DYNC2H1: variants seen among roughly 807,000 people sequenced by gnomAD.
DYNC2H1 encodes the protein cytoplasmic dynein 2 heavy chain 1.
In DYNC2H1, 410 loss-of-function variants were observed where a neutral mutation model predicts 570.0. The ratio of observed to expected loss-of-function variants is 0.72; its 90% CI spans 0.66 to 0.78. The LOEUF (loss-of-function observed/expected upper bound fraction) is 0.78. DYNC2H1 is among the 30% of genes least tolerant of loss of function. The pLI is 0.00. For missense variants in DYNC2H1, 4,865 were observed against 5,046.4 expected, an observed-to-expected ratio of 0.96 and a Z score of 1.09; for synonymous variants, 1,688 against 1,677.6, an observed-to-expected ratio of 1.01 and a Z score of -0.15.
Position 103,303,053 on chromosome 11 carries a change from A to C in DYNC2H1, c.11096-40A>C, listed in dbSNP as rs11225673. 0.15 allele frequency: 206,031 copies of C among 1,348,586 alleles called. 16,865 individuals carry two copies. The highest frequency in any genetic ancestry group is 0.28 in the Admixed American group (9,349 of 33,660). The allele number at this position is 1,348,586 out of a possible 1,614,324, so 83.5% of individuals were successfully genotyped here. The stretch of plus-strand genomic sequence containing the variant: ...GATTTAATAAACTTTTTAATAATGC[A>C]TACTGCTTTTATTTTTAATTTTTAA... On this transcript the variant is annotated intron_variant, in intron 75 of 88. Transcript: ENST00000375735.
chr11:103,159,148 C>T, intron 28 of DYNC2H1, 121 bp downstream of exon 28: 1 of 681,444 alleles, frequency 1.5e-6, no homozygotes, highest in Non-Finnish European at 2.4e-6. Context: ...AAATACAGTT[C>T]CTGTACCCAA....
At chr11:103,336,479 C>G (rs1475643411) in intron 82 of DYNC2H1, among the ~76,000 whole-genome samples, 1 of 142,544 alleles carries the variant, frequency 7.0e-6, no homozygotes, top group Non-Finnish European at 1.6e-5. Flanking sequence ...TTCCTATCCT[C>G]TGGTAACTGT....
chr11:103,435,810 G>A lies in DYNC2H1; in HGVS notation c.12367-133G>A, dbSNP rs555242721. ...TGCTGTCTCTACTGTTCAATTTAAT[G>A]AGATCAAACTTAATGAATTTCATAT... On this transcript the variant is annotated intron_variant, in intron 84 of 88. Transcript: ENST00000375735. 13 of 683,224 alleles carry A rather than the reference G, an allele frequency of 1.9e-5. No individual in the cohort carries two copies. In the East Asian group the frequency reaches 3.6e-4, roughly 19 times the overall value. The allele number at this position is 683,224 out of a possible 1,614,324, so 42.3% of individuals were successfully genotyped here. A position where few individuals can be genotyped will look rare whatever the true frequency, so the allele number is the denominator to read the frequency against.
intron 84 of DYNC2H1, among the ~76,000 whole-genome samples, chr11:103,427,227 C>A (rs1943705386): frequency 6.6e-6 from 1 of 152,044 alleles, no homozygotes; most frequent in Admixed American, 6.6e-5. Context: ...AAACAATGTA[C>A]AAATAATCCA....
At chr11:103,234,771 T>A (rs1283443236) in intron 61 of DYNC2H1, among the ~76,000 whole-genome samples, 1 of 151,910 alleles carries the variant, frequency 6.6e-6, no homozygotes, top group Non-Finnish European at 1.5e-5. Context: ...AAATGTGTAT[T>A]TCCAACTATA....
At chr11:103,459,326 AAAAAAAAG>A (rs1407735027) in intron 87 of DYNC2H1, among the ~76,000 whole-genome samples, 1 of 149,304 alleles carries the variant, frequency 6.7e-6, no homozygotes, top group Non-Finnish European at 1.5e-5. Flanking sequence ...AAAAAAAAAA[AAAAAAAAG>A]GAAATTCCAT....
At chr11:103,444,646 TG>T (rs1944369069) in intron 85 of DYNC2H1, among the ~76,000 whole-genome samples, 1 of 152,128 alleles carries the variant, frequency 6.6e-6, no homozygotes, top group African/African-American at 2.4e-5. Flanking sequence ...ACAAGTGGGT[TG>T]GGGAAGGTAA....
chr11:103,172,981 A>T, intron 34 of DYNC2H1, 101 bp from the exon 35 acceptor site: 1 of 572,734 alleles, frequency 1.7e-6, no homozygotes, highest in Non-Finnish European at 2.4e-6. Context: ...TGTTGGCAGC[A>T]TATTTTATGT....
intron 12 of DYNC2H1, 70 bp downstream of exon 12, chr11:103,125,365 G>GGT: frequency 1.0e-6 from 1 of 957,812 alleles, no homozygotes; most frequent in Non-Finnish European, 1.4e-6. Context: ...TATGCTAAAG[G>GGT]CTTTTTTTTT....
intron 83 of DYNC2H1, among the ~76,000 whole-genome samples, chr11:103,374,797 AG>A (rs1436535482): frequency 6.6e-6 from 1 of 152,194 alleles, no homozygotes. Flanking sequence ...AGCATTCAAG[AG>A]GAAGCAGAGC....
intron 18 of DYNC2H1, among the ~76,000 whole-genome samples, chr11:103,144,940 G>A (rs1860161598): frequency 6.6e-6 from 1 of 151,900 alleles, no homozygotes; most frequent in Admixed American, 6.6e-5. Context: ...GAGTGTAGTG[G>A]CATGATATAT....
At chr11:103,474,378 G>A (rs1295862051) in intron 88 of DYNC2H1, among the ~76,000 whole-genome samples, 1 of 152,152 alleles carries the variant, frequency 6.6e-6, no homozygotes, top group Non-Finnish European at 1.5e-5. Context: ...GAAAGCATGT[G>A]TTAAAATAAG....
Position 103,347,255 on chromosome 11 carries a change from T to C in DYNC2H1, c.12040-10988T>C, listed in dbSNP as rs115118850. Among the ~76,000 whole-genome samples the C allele has an allele frequency of 4.8e-3, 737 of 152,288 alleles. 4 individuals carry two copies. The highest frequency in any genetic ancestry group is 0.017 in the African/African-American group (709 of 41,570). ...AGCGAGAAGGGCTTCTCTATATTAA[T>C]AAGACTTATAATACATAACAATTTA... is the stretch of plus-strand genomic sequence containing the variant. On this transcript the variant is annotated intron_variant, in intron 82 of 88. Coordinates refer to ENST00000375735, the MANE Select transcript of DYNC2H1 (RefSeq NM_001377.3).
At chr11:103,132,957 A>T (rs1005009845) in intron 13 of DYNC2H1, among the ~76,000 whole-genome samples, 14 of 151,906 alleles carry the variant, frequency 9.2e-5, no homozygotes, top group Non-Finnish European at 2.1e-4. Context: ...CTCCTTGTTG[A>T]GCCTCATGAA....
At chr11:103,279,510 T>A (rs1180037867) in intron 70 of DYNC2H1, among the ~76,000 whole-genome samples, 1 of 152,198 alleles carries the variant, frequency 6.6e-6, no homozygotes, top group Non-Finnish European at 1.5e-5. Context: ...AGATTGCTCC[T>A]GAAAGTCTGA....
intron 82 of DYNC2H1, among the ~76,000 whole-genome samples, chr11:103,354,256 T>C (rs1022694243): frequency 9.9e-5 from 15 of 151,834 alleles, no homozygotes; most frequent in African/African-American, 3.4e-4. Flanking sequence ...AAGGGCCTTC[T>C]ACTCTACCCT....
chr11:103,312,331 G>A (rs1196163944), intron 79 of DYNC2H1, among the ~76,000 whole-genome samples: 1 of 144,000 alleles, frequency 6.9e-6, no homozygotes, highest in Non-Finnish European at 1.5e-5. Context: ...GGTGAGCCGA[G>A]ATTGTGCCAT....
chr11:103,328,165 A>G (rs1938593845), intron 82 of DYNC2H1, among the ~76,000 whole-genome samples: 1 of 152,172 alleles, frequency 6.6e-6, no homozygotes, highest in Non-Finnish European at 1.5e-5. Flanking sequence ...TACTTTTGGG[A>G]TGAAACGAAG....
At chr11:103,156,921 A>G (rs1210322867) in intron 26 of DYNC2H1, among the ~76,000 whole-genome samples, 151 bp downstream of exon 26, 1 of 152,114 alleles carries the variant, frequency 6.6e-6, no homozygotes, top group Non-Finnish European at 1.5e-5. Flanking sequence ...TTGAGAAGCT[A>G]TTCTCTCATT....
Sources: gnomAD v4.1 joint callset for allele counts (sites outside exome capture counted in the v4.1 genomes callset) on GRCh38, gnomAD v4.1.1 for gene constraint, MANE v1.5 for transcripts, NCBI Gene and HGNC (gene_info 2026-07-23, HGNC 2026-07-21) for gene names.